Variants in IQGAP1 observed in about 807,000 individuals in gnomAD.
IQGAP1 encodes IQ motif containing GTPase activating protein 1.
A neutral mutation model predicts 215.6 loss-of-function variants in IQGAP1; 66 were observed. The ratio of observed to expected loss-of-function variants is 0.31; its 90% CI spans 0.25 to 0.38. The LOEUF (loss-of-function observed/expected upper bound fraction) is 0.38. Among genes scored for constraint, IQGAP1 ranks in the 10% least tolerant of loss-of-function variants. The probability of loss-of-function intolerance (pLI) is 1.00; values close to 1 mark genes in which losing one functional copy is unlikely to be tolerated. For synonymous variants in IQGAP1, 772 were observed against 728.7 expected, an observed-to-expected ratio of 1.06 and a Z score of -0.96; for missense variants, 1,712 against 1,997.1, an observed-to-expected ratio of 0.86 and a Z score of 2.72.
intron 9 of IQGAP1, among the ~76,000 whole-genome samples, 157 bp downstream of exon 9, chr15:90,443,635 A>G (rs1352754212): frequency 3.9e-5 from 6 of 152,162 alleles, no homozygotes; most frequent in Non-Finnish European, 8.8e-5. Flanking sequence ...TTGTGTTTCT[A>G]TGCCTCCGTT....
At chr15:90,487,446 G>T (rs191913920) in intron 32 of IQGAP1, 49 bp from the exon 33 acceptor site, 6 of 1,357,394 alleles carry the variant, frequency 4.4e-6, no homozygotes, top group African/African-American at 4.3e-5. Flanking sequence ...CCACTTGAGA[G>T]GAACTAGAAC....
intron 2 of IQGAP1, among the ~76,000 whole-genome samples, chr15:90,410,270 C>G (rs573212716): frequency 7.9e-5 from 12 of 152,316 alleles, no homozygotes; most frequent in African/African-American, 2.9e-4. Flanking sequence ...TTGTGGAAGA[C>G]AGTGTGGCAA....
chr15:90,403,558 C>G (rs1207760441), intron 2 of IQGAP1, among the ~76,000 whole-genome samples: 2 of 152,174 alleles, frequency 1.3e-5, no homozygotes, highest in African/African-American at 4.8e-5. Flanking sequence ...GTTATTTTCC[C>G]CACATGGAAC....
At chr15:90,400,207 T>C (rs908286410) in intron 2 of IQGAP1, among the ~76,000 whole-genome samples, 1 of 152,212 alleles carries the variant, frequency 6.6e-6, no homozygotes, top group Admixed American at 6.5e-5. Flanking sequence ...ATGCCTGTGG[T>C]GATTAGTTAG....
At chr15:90,473,681 G>A (rs745581113) in intron 19 of IQGAP1, 34 bp from the exon 20 acceptor site, 23 of 1,449,798 alleles carry the variant, frequency 1.6e-5, no homozygotes, top group Non-Finnish European at 2.1e-5. Context: ...TGCTTGGGAA[G>A]TAATATGTCT....
At chr15:90,468,934 A>G (rs77536163) in intron 18 of IQGAP1, among the ~76,000 whole-genome samples, 2,552 of 152,282 alleles carry the variant, frequency 0.017, 36 homozygotes, top group Non-Finnish European at 0.025. Context: ...TACCCCCTTC[A>G]TCTTCCTTTG....
chr15:90,459,868 C>G (rs1379670837), intron 15 of IQGAP1, among the ~76,000 whole-genome samples: 1 of 152,078 alleles, frequency 6.6e-6, no homozygotes, highest in Non-Finnish European at 1.5e-5. Flanking sequence ...CTTCTGATAT[C>G]TTTGTGTTTG....
At chr15:90,462,354 T>C (rs2151027609) in intron 15 of IQGAP1, among the ~76,000 whole-genome samples, 1 of 152,290 alleles carries the variant, frequency 6.6e-6, no homozygotes, top group African/African-American at 2.4e-5. Context: ...CTCCCATATC[T>C]TTGCCATCAC....
chr15:90,441,412 G>T, intron 7 of IQGAP1, 94 bp from the exon 8 acceptor site: 1 of 1,054,008 alleles, frequency 9.5e-7, no homozygotes, highest in Admixed American at 2.5e-5. Flanking sequence ...GTCTCTAATG[G>T]GGGGTGCAAT....
At chr15:90,426,509 C>CA (rs967641193) in intron 3 of IQGAP1, among the ~76,000 whole-genome samples, 13 of 140,772 alleles carry the variant, frequency 9.2e-5, no homozygotes, top group Non-Finnish European at 1.4e-4. Context: ...TGTCCCCCCA[C>CA]AAAAAAATAT....
At chr15:90,488,831 T>TA (rs1205895155) in intron 33 of IQGAP1, among the ~76,000 whole-genome samples, 1 of 152,162 alleles carries the variant, frequency 6.6e-6, no homozygotes, top group Non-Finnish European at 1.5e-5. Flanking sequence ...GCGACTAGAC[T>TA]ACATGTCTAG....
At chr15:90,481,269 CTTTTTTTTTT>C (rs57452745) in intron 26 of IQGAP1, among the ~76,000 whole-genome samples, 59 of 113,170 alleles carry the variant, frequency 5.2e-4, no homozygotes, top group South Asian at 3.2e-3. Context: ...CTCTCTGCCT[CTTTTTTTTTT>C]TTTTTTTTTT....
intron 18 of IQGAP1, among the ~76,000 whole-genome samples, chr15:90,470,189 C>T (rs186467073): frequency 1.3e-5 from 2 of 152,302 alleles, no homozygotes; most frequent in East Asian, 3.9e-4. Context: ...TATAGATCCT[C>T]CCACTCTACT....
Position 90,483,348 on chromosome 15 carries a change from T to G in IQGAP1, c.3556-13T>G. ...GTCTTTTAATACCCATCTTTCTGTT[T>G]CGTCTGTTCCAGATTATTGGTAACT... is the stretch of plus-strand genomic sequence containing the variant. On this transcript the variant is annotated splice_polypyrimidine_tract_variant and intron_variant, in intron 28 of 37. Transcript: ENST00000268182. 1 of 1,589,132 alleles carries G rather than the reference T, an allele frequency of 6.3e-7. No individual in the cohort carries two copies. The highest frequency in any genetic ancestry group is 8.6e-7 in the Non-Finnish European group (1 of 1,157,602).
chr15:90,391,768 TTTC>T (rs1964639549), intron 2 of IQGAP1: 1 of 152,256 alleles, frequency 6.6e-6, no homozygotes, highest in South Asian at 2.1e-4. Flanking sequence ...CAGTGATTCA[TTTC>T]TTTTGTTCTG....
At chr15:90,412,724 C>G (rs1964984522) in intron 2 of IQGAP1, among the ~76,000 whole-genome samples, 1 of 152,132 alleles carries the variant, frequency 6.6e-6, no homozygotes. Flanking sequence ...TAGTAGAATC[C>G]TAATTGTGGA....
intron 2 of IQGAP1, among the ~76,000 whole-genome samples, chr15:90,409,034 G>A (rs1319826740): frequency 6.6e-6 from 1 of 152,020 alleles, no homozygotes; most frequent in Non-Finnish European, 1.5e-5. Flanking sequence ...TTCTATGTGT[G>A]ATCTAGATCC....
chr15:90,477,565 G>T, intron 25 of IQGAP1, 100 bp from the exon 26 acceptor site: 1 of 884,982 alleles, frequency 1.1e-6, no homozygotes, highest in Non-Finnish European at 1.8e-6. Flanking sequence ...GGAATGTTTC[G>T]AGAGAAACTG....
chr15:90,483,246 A>AT, intron 28 of IQGAP1, 115 bp from the exon 29 acceptor site: 1 of 697,728 alleles, frequency 1.4e-6, no homozygotes, highest in Middle Eastern at 2.7e-4. Flanking sequence ...TGTATTTTTT[A>AT]TTTATTTTTT....
Sources: gnomAD v4.1 joint callset for allele counts (sites outside exome capture counted in the v4.1 genomes callset) on GRCh38, gnomAD v4.1.1 for gene constraint, MANE v1.5 for transcripts, NCBI Gene and HGNC (gene_info 2026-07-23, HGNC 2026-07-21) for gene names.